The following RALB variants were observed in gnomAD, a reference collection of about 807,000 sequenced individuals.
RALB encodes RAS like proto-oncogene B, also known as ras-related protein Ral-B.
A neutral mutation model predicts 21.3 loss-of-function variants in RALB; 16 were observed. The observed-to-expected ratio is 0.75, with a 90% confidence interval of 0.51 to 1.14. The LOEUF (loss-of-function observed/expected upper bound fraction) is 1.14. Ranked by LOEUF, RALB falls within the 50% of genes most tolerant of loss-of-function variation. The pLI is 0.00. For missense variants in RALB, 161 were observed against 256.2 expected (o/e 0.63, Z 2.54); for synonymous variants, 93 against 96.1 (o/e 0.97, Z 0.19).
intron 1 of RALB, among the ~76,000 whole-genome samples, chr2:120,259,786 C>T (rs550272104): frequency 3.8e-4 from 58 of 152,348 alleles, no homozygotes; most frequent in Middle Eastern, 3.4e-3. Context: ...TGGGACTGGG[C>T]GCCGTGGAGC....
intron 1 of RALB, among the ~76,000 whole-genome samples, chr2:120,258,212 C>A (rs1312643203): frequency 2.6e-5 from 4 of 152,258 alleles, no homozygotes; most frequent in East Asian, 1.9e-4. Flanking sequence ...TTGGCCTACA[C>A]TGGGGTCTTG....
intron 1 of RALB, among the ~76,000 whole-genome samples, chr2:120,242,874 G>A (rs1026264021): frequency 6.6e-6 from 1 of 152,142 alleles, no homozygotes; most frequent in African/African-American, 2.4e-5. Context: ...CCATGAGTTC[G>A]AGACTAGCCT....
At position 120,252,914 on chromosome 2, in the gene RALB, G is replaced by A. The variant is rs769322849; in HGVS notation, c.-114G>A. 2.0e-6 allele frequency: 2 copies of A among 985,418 alleles called. No individual in the cohort carries two copies. Among genetic ancestry groups the A allele is most frequent in the Non-Finnish European group, 2.4e-6 (2 of 830,098 alleles). 61.0% of individuals were successfully genotyped at this position (985,418 alleles called of 1,614,324 possible). A position where few individuals can be genotyped will look rare whatever the true frequency, so the allele number is the denominator to read the frequency against. On this transcript the variant is annotated 5_prime_UTR_variant, in exon 1 of 5. Transcript: ENST00000272519. Reference sequence around the variant, plus strand: ...GGACGGCTGGGGTCCGGCCCCGGGAGGGGGCGGGGCGCGTTTAAGAGCTGC... The same window carrying A: ...GGACGGCTGGGGTCCGGCCCCGGGAAGGGGCGGGGCGCGTTTAAGAGCTGC...
intron 1 of RALB, among the ~76,000 whole-genome samples, chr2:120,273,489 AG>A (rs1689718399): frequency 1.3e-5 from 2 of 152,216 alleles, no homozygotes; most frequent in Non-Finnish European, 1.5e-5. Context: ...GATTATAGGA[AG>A]GAGGCCTATA....
intron 1 of RALB, among the ~76,000 whole-genome samples, chr2:120,245,720 C>T (rs927601027): frequency 5.9e-5 from 9 of 152,050 alleles, no homozygotes; most frequent in Non-Finnish European, 1.0e-4. Context: ...GCCCCTCCCC[C>T]GGGGCAGGGT....
rs545075807 is a variant in RALB at position 120,278,000 on chromosome 2, C to T, written c.-47-618C>T. Reference sequence around the variant, plus strand: ...ATAAGAGCATGTGTGAATGTGTGTGCGAGTGTGTGAGCATGTGTGAATGTG... The same window carrying T: ...ATAAGAGCATGTGTGAATGTGTGTGTGAGTGTGTGAGCATGTGTGAATGTG... On this transcript the variant is annotated intron_variant, in intron 1 of 4. Coordinates refer to ENST00000272519, the MANE Select transcript of RALB (RefSeq NM_002881.3). 4.1e-5 allele frequency among the ~76,000 whole-genome samples: 5 copies of T among 121,334 alleles called. No individual in the cohort carries two copies. In the East Asian group the frequency reaches 9.7e-4, roughly 23 times the overall value. 79.6% of individuals were successfully genotyped at this position (121,334 alleles called of 152,430 possible).
At chr2:120,279,044 G>C (rs1168086132) in intron 2 of RALB, among the ~76,000 whole-genome samples, 1 of 152,164 alleles carries the variant, frequency 6.6e-6, no homozygotes, top group Non-Finnish European at 1.5e-5. Context: ...CTTTCTTTCT[G>C]ACAAAAGCCC....
At chr2:120,259,342 G>A (rs914656509) in intron 1 of RALB, among the ~76,000 whole-genome samples, 26 of 152,144 alleles carry the variant, frequency 1.7e-4, no homozygotes, top group Admixed American at 1.7e-3. Context: ...TACAATCCCT[G>A]AGCTAGATAC....
intron 1 of RALB, among the ~76,000 whole-genome samples, chr2:120,260,486 C>T (rs1689335663): frequency 6.6e-6 from 1 of 152,258 alleles, no homozygotes; most frequent in African/African-American, 2.4e-5. Flanking sequence ...GTCAGGGCTG[C>T]ATCCTCAGGT....
chr2:120,240,233 A>C, intron 1 of RALB: 2 of 1,090,936 alleles, frequency 1.8e-6, no homozygotes, highest in Non-Finnish European at 2.5e-6. Flanking sequence ...AGGTAAACAG[A>C]CTTGCCTGGG....
intron 1 of RALB, among the ~76,000 whole-genome samples, chr2:120,264,642 T>A (rs879920721): frequency 2.6e-5 from 4 of 152,198 alleles, no homozygotes; most frequent in Non-Finnish European, 5.9e-5. Context: ...TTTTCAGGGG[T>A]ACAGTTCAGT....
chr2:120,290,579 G>A (rs1043740082), intron 4 of RALB, among the ~76,000 whole-genome samples: 17 of 151,000 alleles, frequency 1.1e-4, no homozygotes, highest in African/African-American at 3.9e-4. Flanking sequence ...TTCCATCTTT[G>A]TAGTGTAGTC....
chr2:120,291,251 T>C (rs1205279419), intron 4 of RALB, among the ~76,000 whole-genome samples: 1 of 152,262 alleles, frequency 6.6e-6, no homozygotes, highest in African/African-American at 2.4e-5. Flanking sequence ...ACATATATTG[T>C]ACAACCTAAG....
At chr2:120,256,338 G>A (rs1689198545) in intron 1 of RALB, among the ~76,000 whole-genome samples, 1 of 152,108 alleles carries the variant, frequency 6.6e-6, no homozygotes, top group South Asian at 2.1e-4. Flanking sequence ...GAATGAATAT[G>A]ATAATGATCA....
intron 1 of RALB, among the ~76,000 whole-genome samples, chr2:120,276,878 C>CAAATA (rs1689809248): frequency 6.6e-6 from 1 of 152,150 alleles, no homozygotes; most frequent in Non-Finnish European, 1.5e-5. Context: ...TCTAGGGTCA[C>CAAATA]GCAGCTCACA....
chr2:120,270,742 C>G (rs1239377792), intron 1 of RALB, among the ~76,000 whole-genome samples: 1 of 152,204 alleles, frequency 6.6e-6, no homozygotes, highest in Non-Finnish European at 1.5e-5. Flanking sequence ...TCTCCCGAAG[C>G]AGAGCCCTTC....
intron 1 of RALB, among the ~76,000 whole-genome samples, chr2:120,277,067 A>G (rs983143879): frequency 6.6e-6 from 1 of 152,212 alleles, no homozygotes; most frequent in Non-Finnish European, 1.5e-5. Flanking sequence ...TTGTTGTCCC[A>G]TAATACTGGA....
intron 2 of RALB, among the ~76,000 whole-genome samples, chr2:120,280,257 A>G (rs1347511610): frequency 4.6e-5 from 7 of 152,220 alleles, no homozygotes; most frequent in Admixed American, 4.6e-4. Flanking sequence ...ATGCACATGT[A>G]TGTTTATTGC....
intron 2 of RALB, among the ~76,000 whole-genome samples, chr2:120,284,693 A>T (rs1003074837): frequency 2.6e-5 from 4 of 152,112 alleles, no homozygotes; most frequent in African/African-American, 9.7e-5. Context: ...TTGTATATTC[A>T]TACAGATGTG....
Sources: allele counts gnomAD v4.1 joint callset (sites outside exome capture counted in the v4.1 genomes callset), GRCh38; gene constraint gnomAD v4.1.1; transcripts MANE v1.5; gene names NCBI Gene and HGNC (gene_info 2026-07-23, HGNC 2026-07-21).